Variants in UNC5D observed in about 807,000 individuals in gnomAD.
UNC5D encodes the protein unc-5 netrin receptor D.
Under a neutral mutation model 105.4 loss-of-function variants are expected in UNC5D, and 39 were observed. The ratio of observed to expected loss-of-function variants is 0.37; its 90% CI spans 0.29 to 0.48. UNC5D has a LOEUF of 0.48. Among genes scored for constraint, UNC5D ranks in the 20% least tolerant of loss-of-function variants. UNC5D has a pLI of 0.98. For missense variants in UNC5D, 991 were observed against 1,202.4 expected (o/e 0.82, Z 2.60); for synonymous variants, 452 against 450.4 (o/e 1.00, Z -0.04).
intron 1 of UNC5D, among the ~76,000 whole-genome samples, chr8:35,320,465 G>A (rs1809653972): frequency 6.6e-6 from 1 of 152,062 alleles, no homozygotes; most frequent in African/African-American, 2.4e-5. Context: ...TCCTGGATCA[G>A]GGAAAAGACC....
chr8:35,475,782 A>G (rs1268825279), intron 1 of UNC5D, among the ~76,000 whole-genome samples: 1 of 152,206 alleles, frequency 6.6e-6, no homozygotes, highest in Admixed American at 6.5e-5. Context: ...GACTTTACTT[A>G]TGACCATAAT....
chr8:35,467,632 T>C (rs757923182), intron 1 of UNC5D, among the ~76,000 whole-genome samples: 4 of 148,052 alleles, frequency 2.7e-5, no homozygotes, highest in Non-Finnish European at 4.5e-5. Context: ...TATCAATAAC[T>C]GTCTCCAAAT....
intron 1 of UNC5D, among the ~76,000 whole-genome samples, chr8:35,335,708 T>C (rs899528166): frequency 6.6e-6 from 1 of 151,544 alleles, no homozygotes; most frequent in African/African-American, 2.4e-5. Flanking sequence ...ATACATAGAA[T>C]GTTAAGCAGA....
chr8:35,604,533 C>G (rs1399742050), intron 4 of UNC5D, among the ~76,000 whole-genome samples: 1 of 152,068 alleles, frequency 6.6e-6, no homozygotes, highest in Non-Finnish European at 1.5e-5. Context: ...TGGAGTTGCT[C>G]TCCTCGAGGA....
chr8:35,710,179 A>C (rs753701606), intron 8 of UNC5D, among the ~76,000 whole-genome samples: 2 of 152,200 alleles, frequency 1.3e-5, no homozygotes, highest in African/African-American at 2.4e-5. Flanking sequence ...CTAGGCTCTT[A>C]ATCTAGCTCT....
chr8:35,594,620 G>C (rs2130897714), intron 3 of UNC5D, among the ~76,000 whole-genome samples: 1 of 152,170 alleles, frequency 6.6e-6, no homozygotes, highest in South Asian at 2.1e-4. Context: ...TTATCAAAGA[G>C]TTGTCATGAC....
intron 1 of UNC5D, 52 bp downstream of exon 1, chr8:35,235,939 C>A (rs1275473905): frequency 1.6e-6 from 2 of 1,214,506 alleles, no homozygotes; most frequent in Non-Finnish European, 2.1e-6. Context: ...GGGGCGCCAG[C>A]CTGACGGAGC....
chr8:35,641,408 A>G (rs1271466358), intron 4 of UNC5D, among the ~76,000 whole-genome samples: 1 of 151,344 alleles, frequency 6.6e-6, no homozygotes, highest in Non-Finnish European at 1.5e-5. Flanking sequence ...CAGCATCTAC[A>G]ACATTTGAGA....
At chr8:35,397,136 C>T (rs967432137) in intron 1 of UNC5D, among the ~76,000 whole-genome samples, 1 of 152,028 alleles carries the variant, frequency 6.6e-6, no homozygotes, top group African/African-American at 2.4e-5. Flanking sequence ...GAACTCCTGA[C>T]CTCAGGTGAT....
At chr8:35,532,334 G>A (rs1786316094) in intron 1 of UNC5D, among the ~76,000 whole-genome samples, 1 of 150,368 alleles carries the variant, frequency 6.7e-6, no homozygotes, top group Non-Finnish European at 1.5e-5. Context: ...ATGAAATTCT[G>A]GGCTGAAAAT....
intron 1 of UNC5D, among the ~76,000 whole-genome samples, chr8:35,516,900 G>T (rs1044719364): frequency 1.3e-5 from 2 of 152,110 alleles, no homozygotes; most frequent in Non-Finnish European, 2.9e-5. Context: ...TTGTTAACTA[G>T]ATATATCATA....
chr8:35,750,834 C>A (rs1830247012), intron 13 of UNC5D, 25 bp downstream of exon 13: 2 of 1,611,868 alleles, frequency 1.2e-6, no homozygotes, highest in African/African-American at 2.7e-5. Flanking sequence ...TAATAATTTT[C>A]TTTTGGTGTC....
At chr8:35,572,551 ATTAAG>A (rs1817812817) in intron 3 of UNC5D, among the ~76,000 whole-genome samples, 2 of 152,138 alleles carry the variant, frequency 1.3e-5, no homozygotes, top group African/African-American at 2.4e-5. Context: ...TCCATGGGGT[ATTAAG>A]TTAAATATTC....
chr8:35,340,397 G>A (rs1443811034), intron 1 of UNC5D, among the ~76,000 whole-genome samples: 1 of 152,160 alleles, frequency 6.6e-6, no homozygotes, highest in Admixed American at 6.6e-5. Flanking sequence ...ATGTGGACCA[G>A]AGTTATTACT....
At chr8:35,257,056 C>A (rs910180117) in intron 1 of UNC5D, among the ~76,000 whole-genome samples, 1 of 151,180 alleles carries the variant, frequency 6.6e-6, no homozygotes, top group Non-Finnish European at 1.5e-5. Context: ...ACTGCAACCT[C>A]TGATTCCCTG....
chr8:35,257,366 A>C (rs1804157712), intron 1 of UNC5D, among the ~76,000 whole-genome samples: 1 of 152,122 alleles, frequency 6.6e-6, no homozygotes, highest in African/African-American at 2.4e-5. Flanking sequence ...GTGCCTAAAT[A>C]GCACAGAAAT....
chr8:35,661,824 TTTAG>T (rs1395797131), intron 4 of UNC5D, among the ~76,000 whole-genome samples: 2 of 152,152 alleles, frequency 1.3e-5, no homozygotes, highest in African/African-American at 4.8e-5. Flanking sequence ...AACATATCTA[TTTAG>T]TTAAAGATGT....
chr8:35,354,838 TAAG>T (rs1554515119), intron 1 of UNC5D, among the ~76,000 whole-genome samples: 13 of 152,146 alleles, frequency 8.5e-5, no homozygotes, highest in Non-Finnish European at 1.5e-5. Flanking sequence ...GACCCACTTG[TAAG>T]ATGTCGTCTT....
chr8:35,394,007 TTC>T (rs566615669), intron 1 of UNC5D, among the ~76,000 whole-genome samples: 5 of 152,136 alleles, frequency 3.3e-5, no homozygotes, highest in Admixed American at 2.0e-4. Flanking sequence ...TTTCTCCTTT[TTC>T]TCTCTCTCAC....
Sources: allele counts gnomAD v4.1 joint callset (sites outside exome capture counted in the v4.1 genomes callset), GRCh38; gene constraint gnomAD v4.1.1; transcripts MANE v1.5; gene names NCBI Gene and HGNC (gene_info 2026-07-23, HGNC 2026-07-21).